The following ZBTB24 variants were observed in gnomAD, a reference collection of about 807,000 sequenced individuals.
ZBTB24 encodes the protein zinc finger and BTB domain-containing protein 24.
Under a neutral mutation model 53.8 loss-of-function variants are expected in ZBTB24, and 32 were observed. The ratio of observed to expected loss-of-function variants is 0.60; its 90% CI spans 0.45 to 0.80. ZBTB24 has a LOEUF of 0.80. ZBTB24 is among the 30% of genes least tolerant of loss of function. The pLI is 0.00. For missense variants in ZBTB24, 722 were observed against 837.1 expected (o/e 0.86, Z 1.70); for synonymous variants, 297 against 306.7 (o/e 0.97, Z 0.33).
At chr6:109,479,542 A>C (rs569194159) in intron 2 of ZBTB24, among the ~76,000 whole-genome samples, 1 of 152,378 alleles carries the variant, frequency 6.6e-6, no homozygotes, top group Non-Finnish European at 1.5e-5. Flanking sequence ...TACTGAGGAC[A>C]TAAGGGAAGA....
At chr6:109,467,445 C>T in intron 6 of ZBTB24, 1 of 808,904 alleles carries the variant, frequency 1.2e-6, no homozygotes, top group Non-Finnish European at 1.5e-6. Flanking sequence ...CCCACCTGCA[C>T]TCCACTCACA....
chr6:109,475,572 T>C lies in ZBTB24; in HGVS notation c.1205-90A>G. On this transcript the variant is annotated intron_variant, in intron 4 of 6. Coordinates refer to ENST00000230122, the MANE Select transcript of ZBTB24 (RefSeq NM_014797.3). Reference sequence around the variant, plus strand: ...TGTGTTAAAGCACTTCCCTGAAAAATAATCACTTTAAATATAGTACTTTAA... The same window carrying C: ...TGTGTTAAAGCACTTCCCTGAAAAACAATCACTTTAAATATAGTACTTTAA... 5 of 1,482,308 alleles carry C rather than the reference T, an allele frequency of 3.4e-6. No individual in the cohort carries two copies. In the South Asian group the frequency reaches 5.7e-5, roughly 17 times the overall value. 91.8% of individuals were successfully genotyped at this position (1,482,308 alleles called of 1,614,324 possible). A position where few individuals can be genotyped will look rare whatever the true frequency, so the allele number is the denominator to read the frequency against.
At chr6:109,467,806 AC>A in intron 5 of ZBTB24, 72 bp from the exon 6 acceptor site, 1 of 1,529,358 alleles carries the variant, frequency 6.5e-7, no homozygotes, top group Non-Finnish European at 8.8e-7. Flanking sequence ...TCAGAATAAG[AC>A]AAAATTAAAA....
intron 3 of ZBTB24, 49 bp downstream of exon 3, chr6:109,476,714 T>C (rs1776284682): frequency 6.3e-7 from 1 of 1,598,820 alleles, no homozygotes; most frequent in Non-Finnish European, 8.5e-7. Context: ...ATGCCCACCC[T>C]GGGGAATGGG....
At position 109,466,329 on chromosome 6, in the gene ZBTB24, A is replaced by C. The variant is rs1776040853; in HGVS notation, c.1616T>G (p.Leu539Arg). 6.2e-7 allele frequency: 1 copy of C among 1,614,112 alleles called. No individual in the cohort carries two copies. The highest frequency in any genetic ancestry group is 8.5e-7 in the Non-Finnish European group (1 of 1,180,050). Residue 539 changes from leucine to arginine, a missense_variant, in exon 7 of 7, where the codon CTA becomes CGA. Transcript: ENST00000230122. ...NTEEVRNILQ[L>R]QPYQLSTSGE... ...CGAGGTAGAGAGTTGATATGGCTGT[A>C]GCTGAAGAATATTCCTGACCTCTTC... is the stretch of plus-strand genomic sequence containing the variant.
rs936661092 is a variant in ZBTB24, at chr6:109,483,097, C to A, written c.-29+1G>T. On this transcript the variant is annotated splice_donor_variant, in intron 1 of 6. Transcript: ENST00000230122. LOFTEE classifies it low-confidence loss of function (5UTR_SPLICE). ...TGGGGTCCGGGTCGCTGCCAACTCA[C>A]CCGGCGGCCTGGCGGGAGACCCACG... 1.3e-5 allele frequency: 2 copies of A among 152,112 alleles called. No homozygotes were observed. The highest frequency in any genetic ancestry group is 2.9e-5 in the Non-Finnish European group (2 of 68,036). The allele number at this position is 152,112 out of a possible 1,614,324, so 9.4% of individuals were successfully genotyped here. A position where few individuals can be genotyped will look rare whatever the true frequency, so the allele number is the denominator to read the frequency against.
chr6:109,481,017 T>G (rs775490457), intron 2 of ZBTB24, 58 bp downstream of exon 2: 1 of 1,594,892 alleles, frequency 6.3e-7, no homozygotes, highest in African/African-American at 1.3e-5. Context: ...AAGCTATTAT[T>G]ATCATCACTA....
chr6:109,467,487 C>A (rs1375526242), intron 6 of ZBTB24, 166 bp downstream of exon 6: 17 of 979,546 alleles, frequency 1.7e-5, no homozygotes, highest in Admixed American at 6.2e-5. Flanking sequence ...GACAGTGAGA[C>A]CCTGTCTCAA....
At position 109,464,658 on chromosome 6, in the gene ZBTB24, T is replaced by A. The variant is rs1775989550; in HGVS notation, c.*1193A>T. On this transcript the variant is annotated 3_prime_UTR_variant, in exon 7 of 7. Transcript: ENST00000230122. ...CAAAGTTTTAAGATTAGATGAAGAT[T>A]AGCTGGGTGTGGTGGTACATCCCTG... 6.6e-6 allele frequency: 1 copy of A among 152,190 alleles called. No individual in the cohort carries two copies. The highest frequency in any genetic ancestry group is 2.4e-5 in the African/African-American group (1 of 41,442). The allele number at this position is 152,190 out of a possible 1,614,324, so 9.4% of individuals were successfully genotyped here.
In ZBTB24 at chr6:109,481,795, T is replaced by C; in HGVS notation, c.232A>G (p.Met78Val). The stretch of plus-strand genomic sequence containing the variant: ...GTGTCTGCAACCATGCCTTCCAGCA[T>C]ATAAATGGATTGGCCGATTTCCCCC... ...EEGEIGQSIY[M>V]LEGMVADTFG... Residue 78 changes from methionine to valine, a missense_variant, in exon 2 of 7, where the codon ATG becomes GTG. Transcript: ENST00000230122. The C allele has an allele frequency of 6.2e-7, 1 of 1,614,252 alleles. No individual in the cohort carries two copies. The highest frequency in any genetic ancestry group is 8.5e-7 in the Non-Finnish European group (1 of 1,180,032).
chr6:109,471,327 C>T lies in ZBTB24; in HGVS notation c.1289-3593G>A, dbSNP rs114477192. Reference sequence around the variant, plus strand: ...CCATACTGTTTCATAGTAGATGGCACGTAGACTCTGTAAGGGCATGTTATG... The same window carrying T: ...CCATACTGTTTCATAGTAGATGGCATGTAGACTCTGTAAGGGCATGTTATG... On this transcript the variant is annotated intron_variant, in intron 5 of 6. Transcript: ENST00000230122. 3.8e-3 allele frequency among the ~76,000 whole-genome samples: 572 copies of T among 152,148 alleles called. 3 individuals are homozygous for T. The highest frequency in any genetic ancestry group is 0.013 in the African/African-American group (543 of 41,474).
intron 3 of ZBTB24, 152 bp downstream of exon 3, chr6:109,476,611 A>G (rs1475470857): frequency 1.8e-6 from 2 of 1,109,880 alleles, no homozygotes; most frequent in Non-Finnish European, 2.6e-6. Flanking sequence ...GCAGAACTCT[A>G]AACTGCACTC....
intron 1 of ZBTB24, 92 bp from the exon 2 acceptor site, chr6:109,482,146 T>G: frequency 1.1e-6 from 1 of 933,620 alleles, no homozygotes; most frequent in South Asian, 1.4e-5. Context: ...TTCACATCAT[T>G]AACTGAATTT....
intron 4 of ZBTB24, 142 bp from the exon 5 acceptor site, chr6:109,475,624 T>A: frequency 1.1e-6 from 1 of 922,492 alleles, no homozygotes; most frequent in African/African-American, 1.6e-5. Flanking sequence ...ATTAATTTGG[T>A]AACTGTTAAT....
rs560353619 is a variant in ZBTB24 at position 109,465,547 on chromosome 6, T to C, written c.*304A>G. ...ACCTATGGCTGTGAACATTTAAACC[T>C]TACAGAAAAACTGAGATCAATGCCC... On this transcript the variant is annotated 3_prime_UTR_variant, in exon 7 of 7. Coordinates refer to ENST00000230122, the MANE Select transcript of ZBTB24 (RefSeq NM_014797.3). 2 of 1,140,588 alleles carry C rather than the reference T, an allele frequency of 1.8e-6. No individual in the cohort carries two copies. The highest frequency in any genetic ancestry group is 3.0e-5 in the South Asian group (2 of 66,836). The allele number at this position is 1,140,588 out of a possible 1,614,324, so 70.7% of individuals were successfully genotyped here. A position where few individuals can be genotyped will look rare whatever the true frequency, so the allele number is the denominator to read the frequency against.
intron 5 of ZBTB24, among the ~76,000 whole-genome samples, chr6:109,473,902 T>A (rs1313871547): frequency 1.3e-5 from 2 of 151,276 alleles, no homozygotes; most frequent in African/African-American, 4.9e-5. Flanking sequence ...CTGGCTAACA[T>A]GCCAAAACCC....
At chr6:109,471,967 G>T (rs1308834057) in intron 5 of ZBTB24, among the ~76,000 whole-genome samples, 2 of 152,042 alleles carry the variant, frequency 1.3e-5, no homozygotes, top group African/African-American at 4.8e-5. Context: ...TCCCTCACTG[G>T]GGATGCACTC....
chr6:109,476,713 C>G (rs1298440034), intron 3 of ZBTB24, 50 bp downstream of exon 3: 3 of 1,598,038 alleles, frequency 1.9e-6, no homozygotes, highest in Non-Finnish European at 2.6e-6. Context: ...AATGCCCACC[C>G]TGGGGAATGG....
chr6:109,480,855 CCT>C (rs995229532), intron 2 of ZBTB24: 25 of 814,354 alleles, frequency 3.1e-5, no homozygotes, highest in Non-Finnish European at 3.7e-5. Context: ...CTTTAGCAAC[CCT>C]CTCTTACATA....
Sources: allele counts gnomAD v4.1 joint callset (sites outside exome capture counted in the v4.1 genomes callset), GRCh38; gene constraint gnomAD v4.1.1; transcripts MANE v1.5; gene names NCBI Gene and HGNC (gene_info 2026-07-23, HGNC 2026-07-21).